Variants in NEDD4 observed in about 807,000 individuals in gnomAD.
The protein encoded by NEDD4 is E3 ubiquitin-protein ligase NEDD4.
In NEDD4, 99 loss-of-function variants were observed where a neutral mutation model predicts 144.9. The ratio of observed to expected loss-of-function variants is 0.68; its 90% CI spans 0.58 to 0.81. The LOEUF (loss-of-function observed/expected upper bound fraction) is 0.81, where lower values mean the gene tolerates loss of function less well. Ranked by LOEUF, NEDD4 falls within the 30% of genes least tolerant of loss-of-function variation. The pLI, the probability that NEDD4 is intolerant of heterozygous loss-of-function variation, is 0.00. For missense variants in NEDD4, 985 were observed against 1,065.9 expected, an observed-to-expected ratio of 0.92 and a Z score of 1.06; for synonymous variants, 318 against 350.6, an observed-to-expected ratio of 0.91 and a Z score of 1.04.
intron 8 of NEDD4, among the ~76,000 whole-genome samples, chr15:55,864,767 T>A (rs1003253482): frequency 6.6e-6 from 1 of 151,112 alleles, no homozygotes; most frequent in Non-Finnish European, 1.5e-5. Flanking sequence ...GCACAATTTT[T>A]AAAAAGAAAA....
intron 1 of NEDD4, among the ~76,000 whole-genome samples, chr15:55,982,245 T>C (rs11632974): frequency 0.38 from 57,642 of 152,050 alleles, 11,544 homozygotes; most frequent in Non-Finnish European, 0.45. Flanking sequence ...CATATAACCC[T>C]ATGACCCAGA....
At position 55,951,531 on chromosome 15, in the gene NEDD4, G is replaced by C; in HGVS notation, c.178C>G (p.Gln60Glu). The change falls in exon 3 of 29, where the codon CAA becomes GAA. Residue 60 changes from glutamine (Q) to glutamate (E), a missense_variant. Gln to Glu is a conservative substitution (Grantham distance 29). Coordinates refer to ENST00000435532, the MANE Select transcript of NEDD4 (RefSeq NM_006154.4). ...DPMNGVLTSV[Q>E]TKTIKKSLNP... Reference sequence around the variant, plus strand: ...CTAACCTTTTTAATGGTTTTTGTTTGCACACTTGTAAGAACTCCATTCATT... The same window carrying C: ...CTAACCTTTTTAATGGTTTTTGTTTCCACACTTGTAAGAACTCCATTCATT... The C allele has an allele frequency of 1.3e-6, 2 of 1,524,134 alleles. No individual in the cohort carries two copies. Among genetic ancestry groups the C allele is most frequent in the South Asian group, 1.3e-5 (1 of 77,358 alleles). The allele number at this position is 1,524,134 out of a possible 1,614,324, so 94.4% of individuals were successfully genotyped here.
intron 1 of NEDD4, among the ~76,000 whole-genome samples, chr15:55,971,890 A>C (rs1416248359): frequency 2.0e-5 from 3 of 152,156 alleles, no homozygotes; most frequent in Non-Finnish European, 4.4e-5. Context: ...AAACAAAACA[A>C]AACAAAAAAC....
At chr15:55,964,582 A>T (rs2037478054) in intron 2 of NEDD4, among the ~76,000 whole-genome samples, 1 of 151,240 alleles carries the variant, frequency 6.6e-6, no homozygotes, top group African/African-American at 2.4e-5. Context: ...TTTTTAGATA[A>T]GTAATTTTGC....
intron 1 of NEDD4, among the ~76,000 whole-genome samples, chr15:55,980,899 C>T (rs972436134): frequency 1.3e-5 from 2 of 151,122 alleles, no homozygotes; most frequent in South Asian, 2.1e-4. Flanking sequence ...GAAAACTAAA[C>T]CAAACAAAAA....
chr15:55,950,778 G>C (rs67312536), intron 4 of NEDD4, among the ~76,000 whole-genome samples: 1 of 152,022 alleles, frequency 6.6e-6, no homozygotes, highest in South Asian at 2.1e-4. Flanking sequence ...GAACATTTTA[G>C]GGATGATACA....
chr15:55,945,862 T>C (rs1367388768), intron 4 of NEDD4, among the ~76,000 whole-genome samples: 1 of 152,118 alleles, frequency 6.6e-6, no homozygotes, highest in Non-Finnish European at 1.5e-5. Context: ...TATTCAACAT[T>C]CTTAAAGAAA....
intron 5 of NEDD4, among the ~76,000 whole-genome samples, chr15:55,895,389 C>G (rs1262597493): frequency 6.6e-6 from 1 of 152,122 alleles, no homozygotes; most frequent in Admixed American, 6.5e-5. Context: ...TTCTAAGAAA[C>G]CAAGGAGCTG....
intron 2 of NEDD4, among the ~76,000 whole-genome samples, chr15:55,956,615 C>G (rs1487136507): frequency 1.3e-5 from 2 of 152,116 alleles, no homozygotes; most frequent in Non-Finnish European, 2.9e-5. Flanking sequence ...CTCTCTCGCT[C>G]TCTCACACAC....
chr15:55,933,548 A>T, intron 4 of NEDD4, among the ~76,000 whole-genome samples: 1 of 50,628 alleles, frequency 2.0e-5, no homozygotes, highest in South Asian at 7.9e-4. Flanking sequence ...GGGAGGGGGA[A>T]GGGGGAGGGA....
In NEDD4 at chr15:55,984,785, T is replaced by C. The variant is rs551316760; in HGVS notation, c.45+8726A>G. Among the ~76,000 whole-genome samples the C allele has an allele frequency of 9.8e-5, 15 of 152,320 alleles. No homozygotes were observed. The South Asian group carries it at 2.7e-3, about 27-fold the overall frequency. ...CCCATTCATTTATCCTCTTAAACTTTGATACTATTGGCAAGGAGGCCAGAA... is the reference window on the plus strand; with the variant it reads ...CCCATTCATTTATCCTCTTAAACTTCGATACTATTGGCAAGGAGGCCAGAA... On this transcript the variant is annotated intron_variant, in intron 1 of 28. Coordinates refer to ENST00000435532, the MANE Select transcript of NEDD4 (RefSeq NM_006154.4).
intron 4 of NEDD4, among the ~76,000 whole-genome samples, chr15:55,941,288 T>C (rs956410074): frequency 2.0e-5 from 3 of 152,212 alleles, no homozygotes; most frequent in African/African-American, 7.2e-5. Flanking sequence ...GGTGGAAGCT[T>C]AGATCATTGA....
At chr15:55,910,676 T>C (rs1243903066) in intron 5 of NEDD4, among the ~76,000 whole-genome samples, 1 of 152,164 alleles carries the variant, frequency 6.6e-6, no homozygotes, top group Non-Finnish European at 1.5e-5. Context: ...GTCCTGTATG[T>C]CCAACTGCCC....
chr15:55,834,926 C>T (rs534371100), intron 24 of NEDD4, among the ~76,000 whole-genome samples: 5 of 152,300 alleles, frequency 3.3e-5, no homozygotes, highest in Admixed American at 1.3e-4. Context: ...CTTCCCACCG[C>T]AGTGCCGCCT....
intron 8 of NEDD4, 84 bp from the exon 9 acceptor site, chr15:55,863,163 GATTT>G (rs1228867224): frequency 1.6e-5 from 19 of 1,197,120 alleles, no homozygotes; most frequent in Admixed American, 6.3e-5. Context: ...TTTAAAAAGA[GATTT>G]ATTATATCAA....
At chr15:55,908,544 G>C (rs1263634432) in intron 5 of NEDD4, among the ~76,000 whole-genome samples, 2 of 152,140 alleles carry the variant, frequency 1.3e-5, no homozygotes, top group African/African-American at 4.8e-5. Context: ...TTCTCAAAGT[G>C]TGTCTGGGGA....
chr15:55,860,400 A>G lies in NEDD4; in HGVS notation c.960+7T>C, dbSNP rs4774228. 1,607,100 of 1,613,922 alleles carry G rather than the reference A, an allele frequency of 1. 800,401 individuals are homozygous for G. Among genetic ancestry groups the G allele is most frequent in the East Asian group, 1 (44,880 of 44,882 alleles). Reference sequence around the variant, plus strand: ...TGAAGCCGTAACAAAATCTAAGAGCATCTTACTGAGCTCGATGCTGGCTGG... The same window carrying G: ...TGAAGCCGTAACAAAATCTAAGAGCGTCTTACTGAGCTCGATGCTGGCTGG... On this transcript the variant is annotated splice_region_variant and intron_variant, in intron 11 of 28. Transcript: ENST00000435532.
chr15:55,835,846 T>A (rs2033167873), intron 24 of NEDD4, among the ~76,000 whole-genome samples: 1 of 152,222 alleles, frequency 6.6e-6, no homozygotes, highest in Admixed American at 6.5e-5. Flanking sequence ...ACTTCCAGAA[T>A]GATCTAAAAC....
chr15:55,876,757 C>G (rs1258526162), intron 5 of NEDD4, among the ~76,000 whole-genome samples: 1 of 152,004 alleles, frequency 6.6e-6, no homozygotes, highest in Non-Finnish European at 1.5e-5. Flanking sequence ...CAGAGATTGT[C>G]AAGCTGAATA....
Sources: allele counts gnomAD v4.1 joint callset (sites outside exome capture counted in the v4.1 genomes callset), GRCh38; gene constraint gnomAD v4.1.1; transcripts MANE v1.5; gene names NCBI Gene and HGNC (gene_info 2026-07-23, HGNC 2026-07-21).